The following CNTNAP4 variants were observed in gnomAD, a reference collection of about 807,000 sequenced individuals.
The protein encoded by CNTNAP4 is contactin associated protein family member 4.
In CNTNAP4, 98 loss-of-function variants were observed where a neutral mutation model predicts 148.4. The ratio of observed to expected loss-of-function variants is 0.66; its 90% CI spans 0.56 to 0.78. The LOEUF is 0.78. CNTNAP4 is among the 30% of genes least tolerant of loss of function. The probability of loss-of-function intolerance (pLI) is 0.00; values close to 1 mark genes in which losing one functional copy is unlikely to be tolerated. For missense variants in CNTNAP4, 1,935 were observed against 1,565.6 expected, an observed-to-expected ratio of 1.24 and a Z score of -3.98; for synonymous variants, 730 against 565.1, an observed-to-expected ratio of 1.29 and a Z score of -4.14.
intron 3 of CNTNAP4, among the ~76,000 whole-genome samples, chr16:76,374,779 T>C (rs1217289558): frequency 2.0e-5 from 3 of 149,728 alleles, no homozygotes; most frequent in African/African-American, 7.4e-5. Flanking sequence ...TTATTATTAT[T>C]ATTATTTGAG....
chr16:76,319,808 C>G (rs1055355599), intron 2 of CNTNAP4, among the ~76,000 whole-genome samples: 1 of 152,178 alleles, frequency 6.6e-6, no homozygotes, highest in African/African-American at 2.4e-5. Context: ...CTTCTCTAAG[C>G]CCACAGAGGG....
chr16:76,529,843 CTGTGTGTG>C (rs35748962), intron 17 of CNTNAP4, among the ~76,000 whole-genome samples: 18 of 148,460 alleles, frequency 1.2e-4, no homozygotes, highest in East Asian at 6.0e-4. Context: ...TGAATCTCAG[CTGTGTGTG>C]TGTGTGTGTG....
rs572233535 is a variant in CNTNAP4, at chr16:76,295,232, A to G, written c.85+17485A>G. 5.3e-5 allele frequency among the ~76,000 whole-genome samples: 8 copies of G among 152,326 alleles called. No homozygotes were observed. The South Asian group carries it at 1.7e-3, about 32-fold the overall frequency. ...AGCTAGATGAGGAAAGAAGGCGGAA[A>G]CACATGCCCATCATAGCGAGGTCCA... On this transcript the variant is annotated intron_variant, in intron 1 of 23. Coordinates refer to ENST00000611870, the MANE Select transcript of CNTNAP4 (RefSeq NM_033401.5).
chr16:76,422,153 T>A (rs2079213456), intron 3 of CNTNAP4, among the ~76,000 whole-genome samples: 1 of 152,152 alleles, frequency 6.6e-6, no homozygotes, highest in Admixed American at 6.6e-5. Flanking sequence ...TCCTAAATTG[T>A]CTATGAACAC....
intron 3 of CNTNAP4, 83 bp from the exon 4 acceptor site, chr16:76,427,369 C>A: frequency 8.7e-7 from 1 of 1,150,754 alleles, no homozygotes; most frequent in South Asian, 1.7e-5. Flanking sequence ...GCAGATCACA[C>A]ATTGCTAATA....
intron 9 of CNTNAP4, among the ~76,000 whole-genome samples, chr16:76,463,443 T>C (rs547312446): frequency 6.6e-6 from 1 of 152,342 alleles, no homozygotes; most frequent in South Asian, 2.1e-4. Flanking sequence ...CTCTAGTGAT[T>C]GCTTTTAGTC....
intron 4 of CNTNAP4, among the ~76,000 whole-genome samples, chr16:76,444,332 A>C (rs2080157350): frequency 6.6e-6 from 1 of 152,322 alleles, no homozygotes; most frequent in South Asian, 2.1e-4. Flanking sequence ...ATCAGAATTT[A>C]TTAATTCACC....
intron 2 of CNTNAP4, among the ~76,000 whole-genome samples, chr16:76,329,500 T>C (rs1450676282): frequency 2.6e-5 from 4 of 152,234 alleles, no homozygotes; most frequent in African/African-American, 9.6e-5. Flanking sequence ...AAGGCTACTC[T>C]ATAGATGTGG....
chr16:76,442,687 A>G (rs2080090425), intron 4 of CNTNAP4, among the ~76,000 whole-genome samples: 1 of 152,090 alleles, frequency 6.6e-6, no homozygotes, highest in African/African-American at 2.4e-5. Flanking sequence ...CATGAGAACT[A>G]ATCAGTCTCA....
chr16:76,307,540 A>ATATATATATATATAT (rs1960623693), intron 1 of CNTNAP4, among the ~76,000 whole-genome samples: 1 of 82,462 alleles, frequency 1.2e-5, no homozygotes, highest in African/African-American at 5.8e-5. Context: ...ATATATATAT[A>ATATATATATATATAT]CCAAACTCCA....
intron 1 of CNTNAP4, among the ~76,000 whole-genome samples, chr16:76,295,394 T>C (rs9933343): frequency 0.02 from 3,038 of 152,262 alleles, 107 homozygotes; most frequent in African/African-American, 0.068. Context: ...GGTCATTTTA[T>C]TACTATAAGT....
chr16:76,313,393 C>T (rs779701905), intron 1 of CNTNAP4, among the ~76,000 whole-genome samples: 1 of 152,170 alleles, frequency 6.6e-6, no homozygotes, highest in African/African-American at 2.4e-5. Flanking sequence ...TGTGCGCCCT[C>T]CTTCCATATA....
intron 1 of CNTNAP4, among the ~76,000 whole-genome samples, chr16:76,288,367 A>G (rs1022813063): frequency 6.6e-6 from 1 of 152,146 alleles, no homozygotes; most frequent in African/African-American, 2.4e-5. Flanking sequence ...GCAAACTAAT[A>G]CACTGCTTTT....
At chr16:76,301,419 A>G (rs1354011770) in intron 1 of CNTNAP4, among the ~76,000 whole-genome samples, 3 of 152,184 alleles carry the variant, frequency 2.0e-5, no homozygotes, top group Non-Finnish European at 4.4e-5. Flanking sequence ...TTGAATTGAA[A>G]CAGGTGTTTT....
intron 8 of CNTNAP4, among the ~76,000 whole-genome samples, chr16:76,456,998 C>T (rs2080758422): frequency 6.6e-6 from 1 of 152,114 alleles, no homozygotes; most frequent in South Asian, 2.1e-4. Context: ...ATAAGTAATA[C>T]CTCAATAAAA....
At chr16:76,395,980 C>T (rs1194776702) in intron 3 of CNTNAP4, among the ~76,000 whole-genome samples, 1 of 152,160 alleles carries the variant, frequency 6.6e-6, no homozygotes, top group Non-Finnish European at 1.5e-5. Context: ...CTGCTGGCCT[C>T]AGCCTCCCAA....
At chr16:76,295,281 C>T (rs977748725) in intron 1 of CNTNAP4, among the ~76,000 whole-genome samples, 1 of 152,148 alleles carries the variant, frequency 6.6e-6, no homozygotes, top group Non-Finnish European at 1.5e-5. Flanking sequence ...TCTTTGAATG[C>T]ACCACAGTAG....
At chr16:76,361,314 C>A (rs374948309) in intron 3 of CNTNAP4, among the ~76,000 whole-genome samples, 96 of 152,238 alleles carry the variant, frequency 6.3e-4, no homozygotes, top group African/African-American at 2.0e-3. Context: ...CTTTTCCTAT[C>A]CCCTGGCAAC....
intron 2 of CNTNAP4, among the ~76,000 whole-genome samples, chr16:76,329,867 G>T (rs1221508251): frequency 6.6e-6 from 1 of 152,078 alleles, no homozygotes. Flanking sequence ...TGAAAAATAA[G>T]GTCAGAGACT....
Sources: allele counts gnomAD v4.1 joint callset (sites outside exome capture counted in the v4.1 genomes callset), GRCh38; gene constraint gnomAD v4.1.1; transcripts MANE v1.5; gene names NCBI Gene and HGNC (gene_info 2026-07-23, HGNC 2026-07-21).